The following SLC15A5 variants were observed in gnomAD, a reference collection of about 807,000 sequenced individuals.
SLC15A5 encodes the protein solute carrier family 15 member 5, also known as Peptide/histidine transporter ENSP00000340402.
A neutral mutation model predicts 56.1 loss-of-function variants in SLC15A5; 58 were observed. That is an observed-to-expected ratio of 1.03 (90% CI 0.84 to 1.29). SLC15A5 has a LOEUF of 1.29. Among genes scored for constraint, SLC15A5 ranks in the 50% most tolerant of loss-of-function variants. The pLI is 0.00. For missense variants in SLC15A5, 681 were observed against 672.1 expected (o/e 1.01, Z -0.15); for synonymous variants, 264 against 250.5 (o/e 1.05, Z -0.51).
intron 2 of SLC15A5, among the ~76,000 whole-genome samples, chr12:16,258,642 G>C (rs917494451): frequency 1.3e-5 from 2 of 151,996 alleles, no homozygotes; most frequent in African/African-American, 4.8e-5. Context: ...AAGTGTTTCA[G>C]TTGTGCAAGC....
intron 3 of SLC15A5, among the ~76,000 whole-genome samples, chr12:16,251,325 AAAT>A (rs1451570084): frequency 2.0e-5 from 3 of 151,954 alleles, no homozygotes; most frequent in African/African-American, 7.2e-5. Context: ...AGAAAGAAGG[AAAT>A]AATAAAGATT....
chr12:16,252,490 A>T (rs1393319263), intron 3 of SLC15A5, among the ~76,000 whole-genome samples: 1 of 152,090 alleles, frequency 6.6e-6, no homozygotes, highest in Non-Finnish European at 1.5e-5. Flanking sequence ...CTCAAAAATC[A>T]GTTGCATTTC....
Position 16,224,516 on chromosome 12 carries a change from G to A in SLC15A5, c.1249C>T (p.Pro417Ser). 2.0e-6 allele frequency: 3 copies of A among 1,537,196 alleles called. No individual in the cohort carries two copies. The highest frequency in any genetic ancestry group is 2.6e-6 in the Non-Finnish European group (3 of 1,146,890). The change falls in exon 6 of 9, where the codon CCC becomes TCC. Residue 417 changes from proline (P) to serine (S), a missense_variant. By Grantham distance (74) the Pro-to-Ser change is moderately conservative. Transcript: ENST00000344941. The part of the protein sequence containing the change: ...HRKHFPAVEQ[P>S]LSGKVLTVSS... ...ACAGTGAGAACTTTTCCTGAAAGGG[G>A]CTGCTCCACTGCAGGGAAATGTTTT... is the stretch of plus-strand genomic sequence containing the variant.
intron 1 of SLC15A5, among the ~76,000 whole-genome samples, chr12:16,273,857 C>A (rs1208118522): frequency 6.7e-6 from 1 of 149,628 alleles, no homozygotes; most frequent in Non-Finnish European, 1.5e-5. Flanking sequence ...GGCCCATAAT[C>A]TCATTACTCA....
At chr12:16,207,234 C>T (rs1864028013) in intron 7 of SLC15A5, among the ~76,000 whole-genome samples, 1 of 152,084 alleles carries the variant, frequency 6.6e-6, no homozygotes, top group Non-Finnish European at 1.5e-5. Context: ...ATTAATAAAT[C>T]AGTCTATAAG....
chr12:16,276,429 A>G (rs764479626), intron 1 of SLC15A5, among the ~76,000 whole-genome samples: 6 of 151,932 alleles, frequency 3.9e-5, no homozygotes, highest in Non-Finnish European at 5.9e-5. Flanking sequence ...GACCCCCATC[A>G]CATTTGTACC....
chr12:16,267,627 C>T lies in SLC15A5; in HGVS notation c.584+4934G>A, dbSNP rs1349782800. ...TCTCTCTCCCAAGCTCTCCCTACCTCTCTTACTCTTTAACCTGTTTCATTC... is the reference window on the plus strand; with the variant it reads ...TCTCTCTCCCAAGCTCTCCCTACCTTTCTTACTCTTTAACCTGTTTCATTC... On this transcript the variant is annotated intron_variant, in intron 2 of 8. Coordinates refer to ENST00000344941, the MANE Select transcript of SLC15A5 (RefSeq NM_001170798.1). Among the ~76,000 whole-genome samples the T allele has an allele frequency of 1.8e-5, 2 of 111,758 alleles. 1 individual carries two copies. The highest frequency in any genetic ancestry group is 7.0e-5 in the African/African-American group (2 of 28,454). The allele number at this position is 111,758 out of a possible 152,430, so 73.3% of individuals were successfully genotyped here.
At chr12:16,202,699 G>A (rs1230345029) in intron 7 of SLC15A5, among the ~76,000 whole-genome samples, 3 of 152,090 alleles carry the variant, frequency 2.0e-5, no homozygotes, top group Non-Finnish European at 2.9e-5. Flanking sequence ...CAATAGCTAA[G>A]ATATGAACAC....
intron 2 of SLC15A5, among the ~76,000 whole-genome samples, chr12:16,262,490 A>C (rs1864651731): frequency 6.6e-6 from 1 of 152,170 alleles, no homozygotes; most frequent in African/African-American, 2.4e-5. Flanking sequence ...CACCCTCTAA[A>C]CAAGGTTTTT....
Position 16,272,568 on chromosome 12 carries a change from A to G in SLC15A5, c.577T>C (p.Phe193Leu). ...CTAGCCAGTGCTACTTACCAGTTAA[A>G]AAAAGACATCGTTTTTTGTGATCCA... is the stretch of plus-strand genomic sequence containing the variant. ...EYGSQKTMSF[F>L]NWFYWLMNLN... The change falls in exon 2 of 9, where the codon TTT becomes CTT. Residue 193 changes from phenylalanine to leucine, a missense_variant. Phe to Leu is a conservative substitution (Grantham distance 22). Transcript: ENST00000344941. 2 of 1,536,830 alleles carry G rather than the reference A, an allele frequency of 1.3e-6. No individual in the cohort carries two copies. The highest frequency in any genetic ancestry group is 2.7e-5 in the African/African-American group (2 of 73,144).
rs10687463 is a variant in SLC15A5, at chr12:16,199,304, CAA to C, written c.1484-4853_1484-4852del. On this transcript the variant is annotated intron_variant, in intron 7 of 8. Transcript: ENST00000344941. ...TGTCAGTCTCATGTGTAGACTGTCT[CAA>C]AAAAAAAAAAAAAAAAAAAGGATGC... 6.4e-3 allele frequency among the ~76,000 whole-genome samples: 582 copies of C among 91,316 alleles called. 5 individuals are homozygous for C. Among genetic ancestry groups the C allele is most frequent in the Middle Eastern group, 0.02 (3 of 148 alleles). 59.9% of individuals were successfully genotyped at this position (91,316 alleles called of 152,430 possible).
intron 8 of SLC15A5, among the ~76,000 whole-genome samples, chr12:16,191,435 C>T (rs1863837547): frequency 6.6e-6 from 1 of 151,956 alleles, no homozygotes; most frequent in Non-Finnish European, 1.5e-5. Flanking sequence ...TTGGGACTGC[C>T]TTGTTCTTGA....
At position 16,224,735 on chromosome 12, in the gene SLC15A5, T is replaced by G. The variant is rs1004137225; in HGVS notation, c.1163-133A>C. 3 of 940,868 alleles carry G rather than the reference T, an allele frequency of 3.2e-6. No individual in the cohort carries two copies. The Admixed American group carries it at 8.9e-5, about 28-fold the overall frequency. The allele number at this position is 940,868 out of a possible 1,614,324, so 58.3% of individuals were successfully genotyped here. A position where few individuals can be genotyped will look rare whatever the true frequency, so the allele number is the denominator to read the frequency against. On this transcript the variant is annotated intron_variant, in intron 5 of 8. Transcript: ENST00000344941. ...TTGTTTGTTTTTATTTTTTTTTAAT[T>G]TTTTTATTATACTTTAAGTTCTAGG...
chr12:16,269,631 T>G lies in SLC15A5; in HGVS notation c.584+2930A>C, dbSNP rs973271839. ...AAATCAGAATATTTCAGATACCATG[T>G]AGAGTCAATTTGAGTACCAGATAGT... is the stretch of plus-strand genomic sequence containing the variant. On this transcript the variant is annotated intron_variant, in intron 2 of 8. Coordinates refer to ENST00000344941, the MANE Select transcript of SLC15A5 (RefSeq NM_001170798.1). The surrounding 1 kb of genome is among the most constrained non-coding windows in gnomAD (Gnocchi z 4.7). Among the ~76,000 whole-genome samples the G allele has an allele frequency of 2.0e-5, 3 of 152,230 alleles. No individual in the cohort carries two copies. The highest frequency in any genetic ancestry group is 7.2e-5 in the African/African-American group (3 of 41,456).
chr12:16,216,715 T>C (rs925178165), intron 7 of SLC15A5, among the ~76,000 whole-genome samples, 178 bp downstream of exon 7: 1 of 152,144 alleles, frequency 6.6e-6, no homozygotes, highest in African/African-American at 2.4e-5. Context: ...AGAAAAACAA[T>C]TCCCAGAAAT....
At chr12:16,242,095 A>G (rs1223758738) in intron 4 of SLC15A5, among the ~76,000 whole-genome samples, 1 of 152,192 alleles carries the variant, frequency 6.6e-6, no homozygotes, top group Middle Eastern at 3.2e-3. Flanking sequence ...ATCAGCCGTA[A>G]TATCAACATA....
chr12:16,264,334 C>T (rs1864671927), intron 2 of SLC15A5, among the ~76,000 whole-genome samples: 1 of 152,208 alleles, frequency 6.6e-6, no homozygotes, highest in Non-Finnish European at 1.5e-5. Context: ...TTTGTTTTGG[C>T]TAATTTCTCC....
At chr12:16,263,285 C>T (rs1198015227) in intron 2 of SLC15A5, among the ~76,000 whole-genome samples, 3 of 152,232 alleles carry the variant, frequency 2.0e-5, no homozygotes, top group African/African-American at 7.2e-5. Flanking sequence ...TATGTTTTAG[C>T]AGAGACTGGC....
chr12:16,274,313 A>G (rs1864793295), intron 1 of SLC15A5, among the ~76,000 whole-genome samples: 1 of 152,096 alleles, frequency 6.6e-6, no homozygotes, highest in Non-Finnish European at 1.5e-5. Context: ...CTTCATTCAT[A>G]CTAGTTAGCA....
Sources: allele counts gnomAD v4.1 joint callset (sites outside exome capture counted in the v4.1 genomes callset), GRCh38; gene constraint gnomAD v4.1.1; non-coding constraint Gnocchi (gnomAD v3.1); transcripts MANE v1.5; gene names NCBI Gene and HGNC (gene_info 2026-07-23, HGNC 2026-07-21).